Variants in TRAPPC9 observed in about 807,000 individuals in gnomAD.
The protein encoded by TRAPPC9 is IKK2 binding protein.
Under a neutral mutation model 124.0 loss-of-function variants are expected in TRAPPC9, and 83 were observed. The observed-to-expected ratio is 0.67, with a 90% CI of 0.56 to 0.80. The LOEUF (loss-of-function observed/expected upper bound fraction) is 0.80, where lower values mean the gene tolerates loss of function less well. Among genes scored for constraint, TRAPPC9 ranks in the 30% least tolerant of loss-of-function variants. The probability of loss-of-function intolerance (pLI) is 0.00; values close to 1 mark genes in which losing one functional copy is unlikely to be tolerated. For synonymous variants in TRAPPC9, 638 were observed against 617.5 expected (o/e 1.03, Z -0.49); for missense variants, 1,302 against 1,508.3 (o/e 0.86, Z 2.27).
At chr8:140,441,959 T>C (rs1454296525) in intron 2 of TRAPPC9, among the ~76,000 whole-genome samples, 1 of 151,994 alleles carries the variant, frequency 6.6e-6, no homozygotes, top group Non-Finnish European at 1.5e-5. Context: ...ACTTGAGCCC[T>C]GGAATTCGAG....
chr8:139,970,355 A>C (rs923042341), intron 19 of TRAPPC9, among the ~76,000 whole-genome samples: 2 of 152,192 alleles, frequency 1.3e-5, no homozygotes, highest in African/African-American at 4.8e-5. Flanking sequence ...AGAAGATGTG[A>C]AAGTCTTAGA....
At chr8:140,292,577 C>G (rs2065690355) in intron 11 of TRAPPC9, among the ~76,000 whole-genome samples, 1 of 152,208 alleles carries the variant, frequency 6.6e-6, no homozygotes, top group Non-Finnish European at 1.5e-5. Context: ...TCCACCACAC[C>G]TATGACATCT....
At chr8:140,312,709 C>T (rs1479733287) in intron 9 of TRAPPC9, among the ~76,000 whole-genome samples, 1 of 151,516 alleles carries the variant, frequency 6.6e-6, no homozygotes, top group Non-Finnish European at 1.5e-5. Context: ...AATTGTTAAA[C>T]TGCTACCATA....
At chr8:140,002,057 C>G (rs922846686) in intron 18 of TRAPPC9, among the ~76,000 whole-genome samples, 3 of 151,734 alleles carry the variant, frequency 2.0e-5, no homozygotes, top group African/African-American at 7.3e-5. Flanking sequence ...TACAAAATAG[C>G]AGAAGAAACA....
Position 140,252,871 on chromosome 8 carries a change from A to C in TRAPPC9, c.2337T>G (p.Pro779=). Residue 779 remains proline (P), a synonymous_variant, in exon 16 of 23, where the codon CCT becomes CCG. Transcript: ENST00000438773. The surrounding 1 kb of genome is among the most constrained non-coding windows in gnomAD (Gnocchi z 4.2). ...WKLEETLAQF[P]LQPGKVATFT... is the part of the protein sequence containing the mutation. The stretch of plus-strand genomic sequence containing the variant: ...ACGTGGCCACCTTCCCAGGCTGCAA[A>C]GGGAACTGGGCAAGGGTTTCCTCTA... 1 of 1,614,176 alleles carries C rather than the reference A, an allele frequency of 6.2e-7. No individual in the cohort carries two copies. Among genetic ancestry groups the C allele is most frequent in the Non-Finnish European group, 8.5e-7 (1 of 1,180,036 alleles).
At chr8:140,324,475 A>T (rs1226891901) in intron 9 of TRAPPC9, among the ~76,000 whole-genome samples, 1 of 152,226 alleles carries the variant, frequency 6.6e-6, no homozygotes, top group Non-Finnish European at 1.5e-5. Flanking sequence ...CCCTTTGTTA[A>T]AATAAATAAA....
At chr8:140,181,599 A>G (rs111984012) in intron 17 of TRAPPC9, among the ~76,000 whole-genome samples, 2,054 of 152,164 alleles carry the variant, frequency 0.013, 17 homozygotes, top group Non-Finnish European at 0.019. Flanking sequence ...CCGTCACTAT[A>G]TATTTTTTAT....
At chr8:140,245,956 T>C (rs149114339) in intron 16 of TRAPPC9, among the ~76,000 whole-genome samples, 1 of 152,320 alleles carries the variant, frequency 6.6e-6, no homozygotes, top group Non-Finnish European at 1.5e-5. Context: ...CTTATCTCCA[T>C]TGTTAGCCCA....
chr8:140,052,247 C>T (rs1390657941), intron 17 of TRAPPC9, among the ~76,000 whole-genome samples: 1 of 150,062 alleles, frequency 6.7e-6, no homozygotes, highest in Non-Finnish European at 1.5e-5. Context: ...ACAACAACAA[C>T]ACAGAAACTG....
At chr8:140,070,234 A>G (rs2129785662) in intron 17 of TRAPPC9, among the ~76,000 whole-genome samples, 1 of 152,338 alleles carries the variant, frequency 6.6e-6, no homozygotes, top group South Asian at 2.1e-4. Flanking sequence ...CTTCACGCAT[A>G]CCTTTTTTTC....
chr8:140,120,715 C>T lies in TRAPPC9; in HGVS notation c.2557-96636G>A, dbSNP rs540191961. On this transcript the variant is annotated intron_variant, in intron 17 of 22. Coordinates refer to ENST00000438773, the MANE Select transcript of TRAPPC9 (RefSeq NM_001160372.4). ...CATCCATCCAACATCCATCCAACAACCGTCCATCCATCCATCCAACATCCA... is the reference window on the plus strand; with the variant it reads ...CATCCATCCAACATCCATCCAACAATCGTCCATCCATCCATCCAACATCCA... Among the ~76,000 whole-genome samples the T allele has an allele frequency of 6.1e-5, 9 of 148,264 alleles. No individual in the cohort carries two copies. The South Asian group carries it at 1.8e-3, about 29-fold the overall frequency.
At chr8:140,409,136 T>C (rs773550734) in intron 5 of TRAPPC9, among the ~76,000 whole-genome samples, 4 of 148,054 alleles carry the variant, frequency 2.7e-5, no homozygotes, top group Non-Finnish European at 6.0e-5. Flanking sequence ...AAAACACAAC[T>C]AAAAATCCAA....
At chr8:140,225,320 A>G (rs942030891) in intron 16 of TRAPPC9, among the ~76,000 whole-genome samples, 3 of 152,214 alleles carry the variant, frequency 2.0e-5, no homozygotes, top group Non-Finnish European at 4.4e-5. Flanking sequence ...CAAATCCAGT[A>G]TTTAGTTGAC....
rs369404875 is a variant in TRAPPC9, at chr8:140,300,458, C to T, written c.1768+11G>A. On this transcript the variant is annotated intron_variant, in intron 11 of 22. Transcript: ENST00000438773. ...CAGAGCACGGTGGGAAAGCCAGGAT[C>T]GACGTCCTACCTATTTTCTTGTTCC... The T allele has an allele frequency of 4.2e-5, 67 of 1,613,932 alleles. No homozygotes were observed. In the Middle Eastern group the frequency reaches 6.6e-4, roughly 16 times the overall value.
rs78218875 is a variant in TRAPPC9, at chr8:140,314,164, C to T, written c.1496-2790G>A. On this transcript the variant is annotated intron_variant, in intron 9 of 22. Coordinates refer to ENST00000438773, the MANE Select transcript of TRAPPC9 (RefSeq NM_001160372.4). ...CGCAGACAACACAGACATTAATAAA[C>T]GGTTGAGTCTTTCCCTTTATTTACT... Among the ~76,000 whole-genome samples the T allele has an allele frequency of 7.5e-3, 1,143 of 152,270 alleles. 18 individuals carry two copies. Among genetic ancestry groups the T allele is most frequent in the African/African-American group, 0.025 (1,060 of 41,570 alleles).
intron 15 of TRAPPC9, among the ~76,000 whole-genome samples, chr8:140,254,121 T>C (rs937377246): frequency 1.4e-4 from 21 of 152,174 alleles, no homozygotes; most frequent in African/African-American, 5.1e-4. Context: ...CAGTATGATA[T>C]GCTGCCTTGA....
intron 7 of TRAPPC9, among the ~76,000 whole-genome samples, chr8:140,384,282 T>A (rs2068695096): frequency 1.3e-5 from 2 of 151,712 alleles, no homozygotes. Flanking sequence ...GCTAACATCA[T>A]AATGACAGTA....
intron 6 of TRAPPC9, among the ~76,000 whole-genome samples, chr8:140,404,906 A>ATGTGTGTGTGTG (rs1312577613): frequency 8.4e-5 from 5 of 59,726 alleles, no homozygotes; most frequent in East Asian, 1.4e-3. Context: ...GTGTGTGAGC[A>ATGTGTGTGTGTG]TGCGTGTGTG....
upstream of TRAPPC9, chr8:140,458,353 C>G: frequency 6.3e-7 from 1 of 1,592,630 alleles, no homozygotes; most frequent in Non-Finnish European, 8.5e-7. Flanking sequence ...CGCGGAAGCC[C>G]ACTGTGGATC....
Sources: allele counts gnomAD v4.1 joint callset (sites outside exome capture counted in the v4.1 genomes callset), GRCh38; gene constraint gnomAD v4.1.1; non-coding constraint Gnocchi (gnomAD v3.1); transcripts MANE v1.5; gene names NCBI Gene and HGNC (gene_info 2026-07-23, HGNC 2026-07-21).